The following SRPK2 variants were observed in gnomAD, a reference collection of about 807,000 sequenced individuals.
SRPK2 encodes SRSF protein kinase 2.
A neutral mutation model predicts 90.8 loss-of-function variants in SRPK2; 21 were observed. The ratio of observed to expected loss-of-function variants is 0.23; its 90% CI spans 0.16 to 0.33. The LOEUF (loss-of-function observed/expected upper bound fraction) is 0.33, where lower values mean the gene tolerates loss of function less well. Among genes scored for constraint, SRPK2 ranks in the 10% least tolerant of loss-of-function variants. The pLI is 1.00. For missense variants in SRPK2, 620 were observed against 869.0 expected (o/e 0.71, Z 3.60); for synonymous variants, 288 against 311.1 (o/e 0.93, Z 0.78).
intron 2 of SRPK2, among the ~76,000 whole-genome samples, chr7:105,299,681 T>C (rs1272038080): frequency 6.6e-6 from 1 of 152,040 alleles, no homozygotes; most frequent in Non-Finnish European, 1.5e-5. Flanking sequence ...CCATCTGAGG[T>C]CAGGAGTTCT....
intron 2 of SRPK2, among the ~76,000 whole-genome samples, chr7:105,353,262 G>A (rs1215630511): frequency 6.6e-6 from 1 of 152,140 alleles, no homozygotes; most frequent in African/African-American, 2.4e-5. Flanking sequence ...GCCTGCTGCT[G>A]AACATTTCTG....
Position 105,117,807 on chromosome 7 carries a change from C to T in SRPK2, c.*31G>A, listed in dbSNP as rs193085999. 5.0e-6 allele frequency: 8 copies of T among 1,610,034 alleles called. No individual in the cohort carries two copies. In the African/African-American group the frequency reaches 6.7e-5, roughly 13 times the overall value. ...AGGTCCAATGTACTGGGAACATTTG[C>T]TAGCTCAGAATGCAATATTGGTAGA... On this transcript the variant is annotated 3_prime_UTR_variant, in exon 16 of 16. Coordinates refer to ENST00000393651, the MANE Select transcript of SRPK2 (RefSeq NM_182692.3).
upstream of SRPK2, among the ~76,000 whole-genome samples, chr7:105,391,336 G>A (rs1369229224): frequency 6.6e-6 from 1 of 152,088 alleles, no homozygotes; most frequent in East Asian, 1.9e-4. Context: ...CCTCCGAGTA[G>A]CTGGGATTAC....
At chr7:105,301,700 TTCTA>T (rs1810574157) in intron 2 of SRPK2, 3 of 1,611,492 alleles carry the variant, frequency 1.9e-6, no homozygotes, top group African/African-American at 1.3e-5. Flanking sequence ...ACACCTCCAA[TTCTA>T]TCTATGAACG....
chr7:105,311,239 T>G (rs1811676761), intron 2 of SRPK2, among the ~76,000 whole-genome samples: 1 of 152,158 alleles, frequency 6.6e-6, no homozygotes, highest in South Asian at 2.1e-4. Flanking sequence ...AATTTCTTTC[T>G]TATTTTTTTT....
chr7:105,151,934 G>C (rs1805739540), intron 7 of SRPK2, among the ~76,000 whole-genome samples: 1 of 150,030 alleles, frequency 6.7e-6, no homozygotes, highest in Non-Finnish European at 1.5e-5. Flanking sequence ...TGAGGCAGGA[G>C]AATCACTTGA....
upstream of SRPK2, chr7:105,389,068 AC>A: frequency 1.7e-6 from 1 of 575,650 alleles, no homozygotes; most frequent in East Asian, 2.1e-4. Flanking sequence ...CGCCCCACCC[AC>A]CTGTGCAGAA....
chr7:105,294,493 C>CT (rs1417797386), intron 2 of SRPK2, among the ~76,000 whole-genome samples: 3 of 149,568 alleles, frequency 2.0e-5, no homozygotes, highest in African/African-American at 7.5e-5. Flanking sequence ...CTGGATCTTT[C>CT]TTTTTTGTTG....
intron 2 of SRPK2, among the ~76,000 whole-genome samples, chr7:105,385,534 T>A (rs1451636816): frequency 6.6e-6 from 1 of 152,094 alleles, no homozygotes; most frequent in East Asian, 1.9e-4. Flanking sequence ...AAGCCTCCAA[T>A]GGCCTACGAG....
chr7:105,296,503 A>G (rs1031844905), intron 2 of SRPK2, among the ~76,000 whole-genome samples: 32 of 152,258 alleles, frequency 2.1e-4, no homozygotes, highest in African/African-American at 7.0e-4. Flanking sequence ...TAGAAAAAAG[A>G]TTCCAAATGC....
intron 3 of SRPK2, among the ~76,000 whole-genome samples, chr7:105,170,011 TCAC>T (rs2054475038): frequency 6.6e-6 from 1 of 152,064 alleles, no homozygotes; most frequent in South Asian, 2.1e-4. Context: ...GGACAGGGTT[TCAC>T]CACATTACCC....
rs186704719 is a variant in SRPK2, at chr7:105,134,601, G to C, written c.1544-1497C>G. Among the ~76,000 whole-genome samples the C allele has an allele frequency of 2.8e-3, 419 of 152,350 alleles. 3 individuals carry two copies. Among genetic ancestry groups the C allele is most frequent in the African/African-American group, 9.8e-3 (407 of 41,574 alleles). ...CACTGCTGAAATGAACTAAACCTCT[G>C]TTGGGGTACATACGAGCTGTGAAAC... On this transcript the variant is annotated intron_variant, in intron 11 of 15. Transcript: ENST00000393651.
At chr7:105,229,705 GT>G (rs1799190989) in intron 2 of SRPK2, among the ~76,000 whole-genome samples, 1 of 149,734 alleles carries the variant, frequency 6.7e-6, no homozygotes, top group African/African-American at 2.4e-5. Flanking sequence ...GAGAACTGAG[GT>G]TAAGAGCTGA....
At chr7:105,239,435 T>A (rs747492087) in intron 2 of SRPK2, among the ~76,000 whole-genome samples, 9 of 152,220 alleles carry the variant, frequency 5.9e-5, no homozygotes, top group Non-Finnish European at 8.8e-5. Flanking sequence ...ACAAAGGACA[T>A]TTTTCCTAAA....
chr7:105,370,028 A>AAACAACAAC (rs10694399), intron 2 of SRPK2, among the ~76,000 whole-genome samples: 146,070 of 150,238 alleles, frequency 0.97, 71,037 homozygotes, highest in Middle Eastern at 0.99. Flanking sequence ...ACTCCATCTC[A>AAACAACAAC]AACAACAACA....
At chr7:105,155,581 A>C (rs553590309) in intron 7 of SRPK2, among the ~76,000 whole-genome samples, 1 of 152,194 alleles carries the variant, frequency 6.6e-6, no homozygotes, top group Admixed American at 6.5e-5. Flanking sequence ...GGACGCTGCT[A>C]AACATCCTAT....
In SRPK2 at chr7:105,185,929, A is replaced by T. The variant is rs188628140; in HGVS notation, c.230-16664T>A. Among the ~76,000 whole-genome samples, 321 of 152,292 alleles carry T rather than the reference A, an allele frequency of 2.1e-3. 4 individuals are homozygous for T. The highest frequency in any genetic ancestry group is 7.4e-3 in the African/African-American group (309 of 41,576). ...AGAGAATTAGATAAATACATGTCCT[A>T]AAAAAGGGGGTTAGTTTACTGTACC... On this transcript the variant is annotated intron_variant, in intron 3 of 15. Coordinates refer to ENST00000393651, the MANE Select transcript of SRPK2 (RefSeq NM_182692.3).
At chr7:105,282,590 G>A (rs888602993) in intron 2 of SRPK2, among the ~76,000 whole-genome samples, 4 of 152,090 alleles carry the variant, frequency 2.6e-5, no homozygotes, top group Admixed American at 1.3e-4. Context: ...ATCACTTGAG[G>A]CAAGCCTGCC....
At chr7:105,280,236 G>A (rs1382996743) in intron 2 of SRPK2, among the ~76,000 whole-genome samples, 2 of 152,054 alleles carry the variant, frequency 1.3e-5, no homozygotes, top group Non-Finnish European at 2.9e-5. Context: ...ATAATATGGT[G>A]AAACTCCATC....
Sources: allele counts gnomAD v4.1 joint callset (sites outside exome capture counted in the v4.1 genomes callset), GRCh38; gene constraint gnomAD v4.1.1; transcripts MANE v1.5; gene names NCBI Gene and HGNC (gene_info 2026-07-23, HGNC 2026-07-21).